PCDH11Y: variants seen among roughly 807,000 people sequenced by gnomAD.
PCDH11Y encodes protocadherin 11 Y-linked.
For missense variants in PCDH11Y, 12 were observed against 224.8 expected (o/e 0.05, Z 6.05); for synonymous variants, 9 against 83.6 (o/e 0.11, Z 4.87).
chrY:5,041,776 T>A (rs2052612500), intron 3 of PCDH11Y, among the ~76,000 whole-genome samples: 1 of 32,913 alleles, frequency 3.0e-5, no homozygotes, highest in African/African-American at 1.2e-4. Context: ...ACCTGTTGTT[T>A]CCTGACTTTT....
At chrY:5,735,817 C>T in intron 4 of PCDH11Y, among the ~76,000 whole-genome samples, 5 of 31,888 alleles carry the variant, frequency 1.6e-4, no homozygotes, top group African/African-American at 6.1e-4. Context: ...GTTGACTTTA[C>T]GGATCAATTG....
chrY:5,661,958 T>G (rs2124707335), intron 4 of PCDH11Y, among the ~76,000 whole-genome samples: 9 of 32,825 alleles, frequency 2.7e-4, no homozygotes, highest in African/African-American at 1.1e-3. Context: ...TGTCATTTAT[T>G]TTCTGGTAAC....
intron 2 of PCDH11Y, among the ~76,000 whole-genome samples, chrY:5,201,548 TG>T: frequency 6.3e-5 from 2 of 31,523 alleles, no homozygotes; most frequent in African/African-American, 2.5e-4. Context: ...GTCCAGAAAT[TG>T]TTCAACCCTT....
chrY:5,736,861 C>T, intron 4 of PCDH11Y, among the ~76,000 whole-genome samples: 1 of 32,423 alleles, frequency 3.1e-5, no homozygotes, highest in Non-Finnish European at 7.5e-5. Flanking sequence ...TATTTTTTAG[C>T]TATAATTAGT....
chrY:5,719,693 T>G, intron 4 of PCDH11Y, among the ~76,000 whole-genome samples: 2 of 32,733 alleles, frequency 6.1e-5, no homozygotes, highest in Non-Finnish European at 1.5e-4. Context: ...AAGGGAAATG[T>G]GAGGTGGGAG....
At chrY:5,147,860 C>G (rs1449381031) in intron 2 of PCDH11Y, among the ~76,000 whole-genome samples, 4 of 32,825 alleles carry the variant, frequency 1.2e-4, no homozygotes, top group Non-Finnish European at 2.2e-4. Flanking sequence ...TGAGTAGTCT[C>G]TAGAAACTGG....
chrY:5,022,333 A>G, intron 1 of PCDH11Y, among the ~76,000 whole-genome samples: 1 of 30,742 alleles, frequency 3.3e-5, no homozygotes. Context: ...TTTTAAAAAA[A>G]GGTTTATTGC....
At chrY:5,178,814 C>A in intron 2 of PCDH11Y, among the ~76,000 whole-genome samples, 1 of 31,488 alleles carries the variant, frequency 3.2e-5, no homozygotes, top group South Asian at 7.5e-4. Flanking sequence ...ATGTTGTTTT[C>A]CCCCACGTGT....
At chrY:5,426,524 G>T in intron 2 of PCDH11Y, among the ~76,000 whole-genome samples, 1 of 33,100 alleles carries the variant, frequency 3.0e-5, no homozygotes, top group Non-Finnish European at 7.5e-5. Flanking sequence ...GGAAATTTGA[G>T]AGACATTTAA....
intron 2 of PCDH11Y, among the ~76,000 whole-genome samples, chrY:5,497,173 G>C: frequency 3.0e-5 from 1 of 33,303 alleles, no homozygotes; most frequent in Admixed American, 2.8e-4. Context: ...TAATGGGATG[G>C]CTGGGTCAAA....
rs1602908972 is a variant in PCDH11Y at position 5,348,211 on chromosome Y, T to A, written c.3130-152846T>A. ...CAGTCCCTCACCAGACTCTATTTAT[T>A]CTGCCTCCAAACTCTGTCATACTCA... On this transcript the variant is annotated intron_variant, in intron 2 of 4. Coordinates refer to the PCDH11Y transcript ENST00000400457. Among the ~76,000 whole-genome samples, 14 of 29,240 alleles carry A rather than the reference T, an allele frequency of 4.8e-4. No homozygotes were observed. In the East Asian group the frequency reaches 0.013, roughly 27 times the overall value. 78.4% of individuals were successfully genotyped at this position (29,240 alleles called of 37,273 possible).
At chrY:5,112,266 T>C in intron 2 of PCDH11Y, among the ~76,000 whole-genome samples, 1 of 32,417 alleles carries the variant, frequency 3.1e-5, no homozygotes, top group Non-Finnish European at 7.6e-5. Context: ...TGATCACAGA[T>C]CCAGTAATGT....
At chrY:5,073,368 G>GA (rs2052703071) in intron 1 of PCDH11Y, among the ~76,000 whole-genome samples, 5 of 29,323 alleles carry the variant, frequency 1.7e-4, no homozygotes, top group Non-Finnish European at 3.3e-4. Flanking sequence ...ATAGTGAGAG[G>GA]AAAAAAAAAA....
At chrY:5,357,604 C>A in intron 2 of PCDH11Y, among the ~76,000 whole-genome samples, 1 of 32,446 alleles carries the variant, frequency 3.1e-5, no homozygotes, top group Non-Finnish European at 7.5e-5. Context: ...AAATGGAAAA[C>A]TGCATTTTAA....
chrY:5,202,173 A>G, intron 2 of PCDH11Y, among the ~76,000 whole-genome samples: 1 of 32,170 alleles, frequency 3.1e-5, no homozygotes, highest in Non-Finnish European at 7.6e-5. Flanking sequence ...TCACTCAAAG[A>G]GACCTTGAAT....
intron 2 of PCDH11Y, among the ~76,000 whole-genome samples, chrY:5,432,565 A>T: frequency 3.1e-5 from 1 of 32,420 alleles, no homozygotes; most frequent in Non-Finnish European, 7.6e-5. Flanking sequence ...TTTCCCTCAA[A>T]TTTTTTCTCT....
intron 2 of PCDH11Y, among the ~76,000 whole-genome samples, chrY:5,319,119 G>T (rs2053110271): frequency 3.1e-5 from 1 of 32,619 alleles, no homozygotes; most frequent in African/African-American, 1.2e-4. Flanking sequence ...AAAAATCAGG[G>T]TGTAGAAAAA....
chrY:5,224,280 C>G, intron 2 of PCDH11Y, among the ~76,000 whole-genome samples: 1 of 23,579 alleles, frequency 4.2e-5, no homozygotes, highest in African/African-American at 1.7e-4. Flanking sequence ...AAGAATGACC[C>G]ATTTGTAATA....
intron 2 of PCDH11Y, among the ~76,000 whole-genome samples, chrY:5,388,323 C>A: frequency 3.1e-5 from 1 of 32,224 alleles, no homozygotes; most frequent in Admixed American, 2.9e-4. Context: ...CCCTGGGGAC[C>A]CAGAGAGCCC....
Sources: allele counts gnomAD v4.1 joint callset (sites outside exome capture counted in the v4.1 genomes callset), GRCh38; gene constraint gnomAD v4.1.1; transcripts MANE v1.5; gene names NCBI Gene and HGNC (gene_info 2026-07-23, HGNC 2026-07-21).